The following CSMD1 variants were observed in gnomAD, a reference collection of about 807,000 sequenced individuals.
The protein encoded by CSMD1 is CUB and Sushi multiple domains 1, also known as CUB and sushi domain-containing protein 1.
CSMD1 carries 213 observed loss-of-function variants against 417.5 expected under a neutral mutation model. The observed-to-expected ratio is 0.51, with a 90% confidence interval of 0.46 to 0.57. CSMD1 has a LOEUF of 0.57. CSMD1 is among the 20% of genes least tolerant of loss of function. CSMD1 has a pLI of 0.00. For missense variants in CSMD1, 6,923 were observed against 4,529.7 expected (o/e 1.53, Z -15.17); for synonymous variants, 2,862 against 1,736.8 (o/e 1.65, Z -16.11).
chr8:3,913,689 T>C (rs754596682), intron 5 of CSMD1, among the ~76,000 whole-genome samples: 12 of 152,058 alleles, frequency 7.9e-5, no homozygotes, highest in Non-Finnish European at 1.8e-4. Context: ...GGATGCAAAC[T>C]TTCAGGAAGT....
intron 3 of CSMD1, among the ~76,000 whole-genome samples, chr8:4,185,235 C>A (rs1798596436): frequency 6.6e-6 from 1 of 151,640 alleles, no homozygotes; most frequent in Non-Finnish European, 1.5e-5. Context: ...TGCTTTCTTG[C>A]CTTTGAATCC....
chr8:4,108,601 G>A (rs898741880), intron 3 of CSMD1, among the ~76,000 whole-genome samples: 1 of 152,176 alleles, frequency 6.6e-6, no homozygotes, highest in African/African-American at 2.4e-5. Context: ...CACGGCAACA[G>A]CACAGGTTCC....
At chr8:3,472,132 T>G (rs1261466750) in intron 11 of CSMD1, among the ~76,000 whole-genome samples, 1 of 152,158 alleles carries the variant, frequency 6.6e-6, no homozygotes, top group African/African-American at 2.4e-5. Flanking sequence ...AATCTGATAA[T>G]GCTTGTAAAG....
At chr8:4,272,099 C>G (rs1036121401) in intron 3 of CSMD1, among the ~76,000 whole-genome samples, 5 of 152,062 alleles carry the variant, frequency 3.3e-5, no homozygotes, top group Non-Finnish European at 4.4e-5. Context: ...ACTGTACACC[C>G]ACACCTGTCA....
intron 5 of CSMD1, among the ~76,000 whole-genome samples, chr8:3,898,194 G>C (rs1218454578): frequency 6.6e-6 from 1 of 152,092 alleles, no homozygotes; most frequent in Non-Finnish European, 1.5e-5. Flanking sequence ...CCAGCAACAA[G>C]CTTATGAGTA....
chr8:3,745,728 T>C (rs940289554), intron 6 of CSMD1, among the ~76,000 whole-genome samples: 2 of 152,206 alleles, frequency 1.3e-5, no homozygotes, highest in Admixed American at 1.3e-4. Context: ...GATTCCTTAT[T>C]TCATTAAGCA....
At chr8:3,272,989 A>G (rs1237578921) in intron 26 of CSMD1, among the ~76,000 whole-genome samples, 2 of 150,828 alleles carry the variant, frequency 1.3e-5, no homozygotes, top group African/African-American at 2.4e-5. Flanking sequence ...GTGGTGAGAG[A>G]GGGCATCCCT....
At chr8:4,761,937 A>G (rs896514862) in intron 1 of CSMD1, among the ~76,000 whole-genome samples, 2 of 149,630 alleles carry the variant, frequency 1.3e-5, no homozygotes, top group Non-Finnish European at 3.0e-5. Flanking sequence ...CTATCTATCT[A>G]TCTATCTATC....
chr8:3,923,880 T>C (rs1408485843), intron 5 of CSMD1, among the ~76,000 whole-genome samples: 1 of 152,214 alleles, frequency 6.6e-6, no homozygotes, highest in South Asian at 2.1e-4. Context: ...CTTTCTTTGC[T>C]TGTAGCTATT....
At chr8:3,505,353 G>A (rs1796780496) in intron 10 of CSMD1, among the ~76,000 whole-genome samples, 2 of 152,206 alleles carry the variant, frequency 1.3e-5, no homozygotes, top group East Asian at 1.9e-4. Flanking sequence ...GAAGATGAGA[G>A]AAAATTATAG....
intron 25 of CSMD1, among the ~76,000 whole-genome samples, chr8:3,290,358 G>T (rs554497070): frequency 5.5e-5 from 8 of 146,772 alleles, no homozygotes; most frequent in Admixed American, 4.0e-4. Flanking sequence ...TTCTAATTCT[G>T]TGAAGAAAGT....
At chr8:4,051,041 C>T (rs1321980620) in intron 3 of CSMD1, among the ~76,000 whole-genome samples, 1 of 152,026 alleles carries the variant, frequency 6.6e-6, no homozygotes, top group East Asian at 1.9e-4. Flanking sequence ...CAACATGATG[C>T]CTGAAATCCT....
intron 1 of CSMD1, among the ~76,000 whole-genome samples, chr8:4,768,272 G>A (rs774290998): frequency 9.9e-5 from 15 of 151,902 alleles, no homozygotes; most frequent in Admixed American, 2.0e-4. Context: ...CCTAACCTCC[G>A]AGAGAGCACA....
At chr8:4,439,796 A>G (rs146501359) in intron 2 of CSMD1, among the ~76,000 whole-genome samples, 6 of 152,194 alleles carry the variant, frequency 3.9e-5, no homozygotes, top group East Asian at 3.8e-4. Flanking sequence ...TGACTTTGAG[A>G]AGAGATGTAA....
At chr8:3,601,839 C>A (rs1372651037) in intron 8 of CSMD1, among the ~76,000 whole-genome samples, 1 of 152,148 alleles carries the variant, frequency 6.6e-6, no homozygotes, top group Non-Finnish European at 1.5e-5. Flanking sequence ...CTGTTTCCCC[C>A]TACGTCTTCA....
intron 1 of CSMD1, among the ~76,000 whole-genome samples, chr8:4,638,598 G>T (rs73188792): frequency 6.6e-6 from 1 of 152,144 alleles, no homozygotes; most frequent in African/African-American, 2.4e-5. Flanking sequence ...AAAATGAGGG[G>T]ACCAAGTAAA....
chr8:4,052,379 T>C (rs926330369), intron 3 of CSMD1, among the ~76,000 whole-genome samples: 6 of 152,204 alleles, frequency 3.9e-5, no homozygotes, highest in African/African-American at 1.2e-4. Context: ...TTTCATATAA[T>C]ATAATTGGCA....
chr8:3,138,728 G>C (rs1050040874), intron 41 of CSMD1, among the ~76,000 whole-genome samples: 1 of 152,190 alleles, frequency 6.6e-6, no homozygotes, highest in Non-Finnish European at 1.5e-5. Flanking sequence ...GTGGCTGCTG[G>C]AGATATTTCA....
At chr8:4,936,482 C>A (rs1250385240) in intron 1 of CSMD1, among the ~76,000 whole-genome samples, 1 of 152,170 alleles carries the variant, frequency 6.6e-6, no homozygotes, top group Non-Finnish European at 1.5e-5. Flanking sequence ...GGCTTTAAAA[C>A]TTTGCCCACC....
Sources: gnomAD v4.1 joint callset for allele counts (sites outside exome capture counted in the v4.1 genomes callset) on GRCh38, gnomAD v4.1.1 for gene constraint, MANE v1.5 for transcripts, NCBI Gene and HGNC (gene_info 2026-07-23, HGNC 2026-07-21) for gene names.